Variants in EGF observed in about 807,000 individuals in gnomAD.
EGF encodes the protein epidermal growth factor.
In EGF, 95 loss-of-function variants were observed where a neutral mutation model predicts 143.8. The observed-to-expected ratio is 0.66, with a 90% CI of 0.56 to 0.78. EGF has a LOEUF of 0.78. EGF is among the 30% of genes least tolerant of loss of function. The pLI, the probability that EGF is intolerant of heterozygous loss-of-function variation, is 0.00. For missense variants in EGF, 1,320 were observed against 1,470.9 expected (o/e 0.90, Z 1.68); for synonymous variants, 510 against 510.5 (o/e 1.00, Z 0.01).
At chr4:109,977,286 A>T (rs1748649159) in intron 13 of EGF, 1 of 152,196 alleles carries the variant, frequency 6.6e-6, no homozygotes, top group Admixed American at 6.5e-5. Context: ...TCTGTATAAG[A>T]TACCTATTTT....
rs1311511043 is a variant in EGF at position 110,012,334 on chromosome 4, G to T, written c.*879G>T. The T allele has an allele frequency of 1.3e-5, 2 of 150,606 alleles. No homozygotes were observed. The highest frequency in any genetic ancestry group is 1.3e-4 in the Admixed American group (2 of 15,076). 9.3% of individuals were successfully genotyped at this position (150,606 alleles called of 1,614,324 possible). On this transcript the variant is annotated 3_prime_UTR_variant, in exon 24 of 24. Transcript: ENST00000265171. Reference sequence around the variant, plus strand: ...GGCAGTACTAGAGTTGAACCAAAATGATTTGTCAAGCTTGCTGATGTTTCT... The same window carrying T: ...GGCAGTACTAGAGTTGAACCAAAATTATTTGTCAAGCTTGCTGATGTTTCT...
intron 1 of EGF, among the ~76,000 whole-genome samples, chr4:109,914,616 A>T (rs1355190413): frequency 6.6e-6 from 1 of 152,162 alleles, no homozygotes; most frequent in East Asian, 1.9e-4. Flanking sequence ...AATCCTAGTG[A>T]TCTCTATGTT....
intron 1 of EGF, among the ~76,000 whole-genome samples, chr4:109,926,635 G>A (rs951435723): frequency 1.3e-5 from 2 of 152,146 alleles, no homozygotes; most frequent in African/African-American, 2.4e-5. Flanking sequence ...GGGATTACTG[G>A]CGTGAGCCAC....
intron 22 of EGF, among the ~76,000 whole-genome samples, chr4:110,007,304 T>G (rs1348330818): frequency 6.6e-6 from 1 of 152,202 alleles, no homozygotes; most frequent in African/African-American, 2.4e-5. Flanking sequence ...GTGTGCTCCT[T>G]TCTGTGGAGC....
At chr4:109,933,761 T>A (rs571875110) in intron 1 of EGF, among the ~76,000 whole-genome samples, 1 of 152,356 alleles carries the variant, frequency 6.6e-6, no homozygotes, top group East Asian at 1.9e-4. Context: ...CTCATCCTTT[T>A]TTATGGCGGC....
chr4:109,999,882 T>G (rs374163325), intron 21 of EGF, 36 bp downstream of exon 21: 6 of 1,611,856 alleles, frequency 3.7e-6, no homozygotes, highest in African/African-American at 2.7e-5. Flanking sequence ...GGAAACCTCT[T>G]TCTAAGACCT....
chr4:110,008,089 G>A (rs2126197773), intron 22 of EGF, 63 bp from the exon 23 acceptor site: 5 of 1,430,470 alleles, frequency 3.5e-6, no homozygotes, highest in African/African-American at 1.4e-5. Flanking sequence ...TTGATTCAAT[G>A]TACGTTGAGA....
At chr4:109,950,275 A>G (rs1018897007) in intron 5 of EGF, among the ~76,000 whole-genome samples, 4 of 152,118 alleles carry the variant, frequency 2.6e-5, no homozygotes, top group Non-Finnish European at 5.9e-5. Context: ...AGCCCAATGA[A>G]TGGCATCACT....
At chr4:109,960,490 C>A (rs762022173) in intron 6 of EGF, among the ~76,000 whole-genome samples, 18 of 152,176 alleles carry the variant, frequency 1.2e-4, no homozygotes, top group Non-Finnish European at 1.6e-4. Context: ...ACAAAATATA[C>A]AAAAATTAGC....
At position 109,987,774 on chromosome 4, in the gene EGF, G is replaced by A. The variant is rs1271919625; in HGVS notation, c.2522G>A (p.Ser841Asn). 1.2e-6 allele frequency: 2 copies of A among 1,613,898 alleles called. No homozygotes were observed. The highest frequency in any genetic ancestry group is 1.7e-6 in the Non-Finnish European group (2 of 1,179,828). Residue 841 changes from serine to asparagine, a missense_variant, in exon 17 of 24, where the codon AGC (serine) becomes AAC (asparagine). Ser to Asn is a conservative substitution (Grantham distance 46). This residue lies in a region of EGF where 1,186 missense variants were observed against 1,313.7 expected (regional missense o/e 0.90). Coordinates refer to ENST00000265171, the MANE Select transcript of EGF (RefSeq NM_001963.6). ...DQDDCAPVGCSMYARCISEGE... is the reference protein window; with the variant it reads ...DQDDCAPVGCNMYARCISEGE... ...GATGACTGTGCTCCTGTGGGATGCA[G>A]CATGTATGCTCGGTGTATTTCAGAG...
chr4:109,942,589 C>T lies in EGF; in HGVS notation c.328-665C>T, dbSNP rs141931820. On this transcript the variant is annotated intron_variant, in intron 2 of 23. Transcript: ENST00000265171. ...GGGGCTTCTGCCCACCTTGCAACCT[C>T]CATTCCCCAAGAAGACCAGCTTACC... Among the ~76,000 whole-genome samples, 67 of 152,276 alleles carry T rather than the reference C, an allele frequency of 4.4e-4. No homozygotes were observed. In the East Asian group the frequency reaches 0.013, roughly 28 times the overall value.
rs1316877432 is a variant in EGF at position 109,927,576 on chromosome 4, T to C, written c.128-13370T>C. 1.3e-5 allele frequency among the ~76,000 whole-genome samples: 2 copies of C among 151,634 alleles called. 1 individual carries two copies. The highest frequency in any genetic ancestry group is 4.8e-5 in the African/African-American group (2 of 41,266). On this transcript the variant is annotated intron_variant, in intron 1 of 23. Transcript: ENST00000265171. ...CGTCTCTACTAAAAACACAAAAAAT[T>C]AGTTGGGCGTGGTGGCGGGCGCTTG...
chr4:109,943,378 A>G lies in EGF; in HGVS notation c.452A>G (p.His151Arg). ...TVTDMKGNNS[H>R]ILLSALKYPA... ...ACAGATATGAAAGGAAATAATTCCCACATTCTTTTAAGTGCTTTAAAATAT... is the reference window on the plus strand; with the variant it reads ...ACAGATATGAAAGGAAATAATTCCCGCATTCTTTTAAGTGCTTTAAAATAT... Residue 151 changes from histidine to arginine, a missense_variant, in exon 3 of 24, where the codon CAC becomes CGC. By Grantham distance (29) the His-to-Arg change is conservative. This residue lies in a region of EGF where 1,186 missense variants were observed against 1,313.7 expected (regional missense o/e 0.90). Coordinates refer to ENST00000265171, the MANE Select transcript of EGF (RefSeq NM_001963.6). 2 of 1,613,836 alleles carry G rather than the reference A, an allele frequency of 1.2e-6. No homozygotes were observed. Among genetic ancestry groups the G allele is most frequent in the Non-Finnish European group, 1.7e-6 (2 of 1,179,824 alleles).
chr4:109,915,656 C>A (rs917174601), intron 1 of EGF, among the ~76,000 whole-genome samples: 10 of 152,210 alleles, frequency 6.6e-5, no homozygotes, highest in African/African-American at 2.2e-4. Flanking sequence ...GATAGTATTT[C>A]TTTCTCCTCT....
At chr4:109,936,263 G>A (rs1161303292) in intron 1 of EGF, among the ~76,000 whole-genome samples, 2 of 152,116 alleles carry the variant, frequency 1.3e-5, no homozygotes, top group East Asian at 1.9e-4. Flanking sequence ...CTTCTTCCTG[G>A]TTTAGTCTTG....
At chr4:109,932,912 T>C (rs980122461) in intron 1 of EGF, among the ~76,000 whole-genome samples, 2 of 152,126 alleles carry the variant, frequency 1.3e-5, no homozygotes, top group African/African-American at 4.8e-5. Context: ...TTTTTCTCCA[T>C]GATGAATTGC....
chr4:109,986,818 A>G (rs1389441254), intron 16 of EGF, among the ~76,000 whole-genome samples: 1 of 152,106 alleles, frequency 6.6e-6, no homozygotes, highest in East Asian at 1.9e-4. Flanking sequence ...TTGGATTTCA[A>G]TGGAGTATGA....
intron 21 of EGF, 148 bp from the exon 22 acceptor site, chr4:110,004,357 A>G: frequency 3.9e-6 from 3 of 772,308 alleles, no homozygotes; most frequent in Admixed American, 3.5e-5. Context: ...ATCTAAAGTT[A>G]TGTTCCTAGT....
intron 1 of EGF, among the ~76,000 whole-genome samples, chr4:109,914,165 A>G (rs1049007919): frequency 1.3e-5 from 2 of 152,196 alleles, no homozygotes; most frequent in Admixed American, 1.3e-4. Context: ...CAATCCTGCC[A>G]AAGGATATTG....
Sources: gnomAD v4.1 joint callset for allele counts (sites outside exome capture counted in the v4.1 genomes callset) on GRCh38, gnomAD v4.1.1 for gene constraint, gnomAD v4.1.1 regional missense constraint, MANE v1.5 for transcripts, NCBI Gene and HGNC (gene_info 2026-07-23, HGNC 2026-07-21) for gene names.